Variants in PARD3B observed in about 807,000 individuals in gnomAD.
PARD3B encodes the protein par-3 family cell polarity regulator beta.
Under a neutral mutation model 130.2 loss-of-function variants are expected in PARD3B, and 103 were observed. The observed-to-expected ratio is 0.79, with a 90% CI of 0.67 to 0.93. PARD3B has a LOEUF of 0.93. PARD3B is among the 40% of genes least tolerant of loss of function. The pLI is 0.00. For synonymous variants in PARD3B, 583 were observed against 553.2 expected (o/e 1.05, Z -0.76); for missense variants, 1,609 against 1,499.2 (o/e 1.07, Z -1.21).
Position 204,546,052 on chromosome 2 carries a change from A to T in PARD3B, c.53A>T (p.Glu18Val). ...GRTGIVVPCK[E>V]GQLRVGELTQ... ...ACGGGCATCGTGGTGCCCTGCAAGG[A>T]GGGCCAGCTGCGCGTCGGCGAGCTC... The change falls in exon 1 of 23, where the codon GAG (glutamate) becomes GTG (valine). Residue 18 changes from glutamate (E) to valine (V), a missense_variant. Transcript: ENST00000406610. The T allele has an allele frequency of 6.4e-7, 1 of 1,566,216 alleles. No individual in the cohort carries two copies. Among genetic ancestry groups the T allele is most frequent in the South Asian group, 1.2e-5 (1 of 85,568 alleles).
chr2:205,509,490 C>T (rs192039375), intron 21 of PARD3B, among the ~76,000 whole-genome samples: 47 of 152,234 alleles, frequency 3.1e-4, no homozygotes, highest in African/African-American at 1.1e-3. Context: ...TAAGCCCACT[C>T]CTCCCCTAAA....
At chr2:204,558,391 A>C (rs149510378) in intron 1 of PARD3B, among the ~76,000 whole-genome samples, 11 of 152,324 alleles carry the variant, frequency 7.2e-5, no homozygotes, top group African/African-American at 2.6e-4. Flanking sequence ...AAGCATTCCT[A>C]TACACCAATA....
At chr2:205,088,162 T>C (rs1559425007) in intron 4 of PARD3B, among the ~76,000 whole-genome samples, 1 of 152,204 alleles carries the variant, frequency 6.6e-6, no homozygotes, top group Non-Finnish European at 1.5e-5. Context: ...CACCAGTCTT[T>C]CCAGTACTGA....
At chr2:204,782,784 T>C (rs2041884271) in intron 2 of PARD3B, among the ~76,000 whole-genome samples, 1 of 152,080 alleles carries the variant, frequency 6.6e-6, no homozygotes, top group Non-Finnish European at 1.5e-5. Context: ...TCTTACAGTT[T>C]TCTTACTTTA....
At chr2:204,869,849 C>G (rs1290350594) in intron 2 of PARD3B, among the ~76,000 whole-genome samples, 1 of 152,076 alleles carries the variant, frequency 6.6e-6, no homozygotes, top group Non-Finnish European at 1.5e-5. Flanking sequence ...AGATATGTGT[C>G]TGGTGTTTTT....
intron 3 of PARD3B, among the ~76,000 whole-genome samples, chr2:204,982,089 T>C (rs987211065): frequency 2.6e-5 from 4 of 152,162 alleles, no homozygotes; most frequent in African/African-American, 7.2e-5. Context: ...GTTGAGCCTG[T>C]CAGTGAAAGG....
chr2:205,088,798 G>C (rs1422784303), intron 4 of PARD3B, among the ~76,000 whole-genome samples: 1 of 21,712 alleles, frequency 4.6e-5, no homozygotes, highest in Non-Finnish European at 8.0e-5. Flanking sequence ...ACTTATGACT[G>C]TCTTTTTTTT....
chr2:205,085,996 G>A (rs1218533770), intron 4 of PARD3B, among the ~76,000 whole-genome samples: 2 of 152,140 alleles, frequency 1.3e-5, no homozygotes, highest in Non-Finnish European at 1.5e-5. Context: ...AGAGTGCTGG[G>A]AAACAATAAA....
In PARD3B at chr2:204,799,132, G is replaced by A. The variant is rs2042476187; in HGVS notation, c.222+112850G>A. 6.6e-6 allele frequency among the ~76,000 whole-genome samples: 1 copy of A among 152,048 alleles called. No homozygotes were observed. ...TTTGGACCTGCTATGGGCCAGACGG[G>A]AGCCCACTACCCTGAAGGGAGAGAC... On this transcript the variant is annotated intron_variant, in intron 2 of 22. Transcript: ENST00000406610. The surrounding 1 kb of genome is among the most constrained non-coding windows in gnomAD (Gnocchi z 4.1).
At chr2:205,464,381 C>CCCTACTTCTCTCGTAGACTGGGTA (rs2048553449) in intron 20 of PARD3B, among the ~76,000 whole-genome samples, 3 of 152,144 alleles carry the variant, frequency 2.0e-5, no homozygotes, top group African/African-American at 7.2e-5. Context: ...CAAATGACCA[C>CCCTACTTCTCTCGTAGACTGGGTA]CCTACTTCTC....
intron 15 of PARD3B, among the ~76,000 whole-genome samples, chr2:205,194,350 T>C (rs2036556906): frequency 6.6e-6 from 1 of 152,184 alleles, no homozygotes; most frequent in Non-Finnish European, 1.5e-5. Context: ...CTGGGATGCA[T>C]TTGCTGTAAT....
In PARD3B at chr2:205,421,830, G is replaced by A. The variant is rs1460453342; in HGVS notation, c.2742-18540G>A. Among the ~76,000 whole-genome samples the A allele has an allele frequency of 6.6e-6, 1 of 152,142 alleles. No homozygotes were observed. The highest frequency in any genetic ancestry group is 1.5e-5 in the Non-Finnish European group (1 of 68,038). On this transcript the variant is annotated intron_variant, in intron 19 of 22. Transcript: ENST00000406610. The surrounding 1 kb of genome is among the most constrained non-coding windows in gnomAD (Gnocchi z 5.1). ...CTTTTACTTGGCTGCCTATGTTCCTGGCTCATGGCTCCTTCTGCCATTTTT... is the reference window on the plus strand; with the variant it reads ...CTTTTACTTGGCTGCCTATGTTCCTAGCTCATGGCTCCTTCTGCCATTTTT...
At chr2:205,399,177 G>C (rs1035706443) in intron 18 of PARD3B, among the ~76,000 whole-genome samples, 1 of 151,836 alleles carries the variant, frequency 6.6e-6, no homozygotes, top group African/African-American at 2.4e-5. Flanking sequence ...GGCTGAGGCA[G>C]GAGAATCACA....
intron 22 of PARD3B, among the ~76,000 whole-genome samples, chr2:205,582,667 TG>T (rs1230941368): frequency 1.7e-4 from 26 of 149,402 alleles, no homozygotes; most frequent in Admixed American, 1.4e-3. Flanking sequence ...GGAAGGTTAT[TG>T]TTTTTTTTTT....
chr2:205,113,024 G>T (rs963880998), intron 5 of PARD3B, among the ~76,000 whole-genome samples: 47 of 152,086 alleles, frequency 3.1e-4, no homozygotes, highest in African/African-American at 9.9e-4. Context: ...ACGTAATTCT[G>T]TGCTTTTTCT....
chr2:204,765,891 C>A (rs6740311), intron 2 of PARD3B, among the ~76,000 whole-genome samples: 12,101 of 152,078 alleles, frequency 0.08, 759 homozygotes, highest in African/African-American at 0.18. Flanking sequence ...CAATTTCGAG[C>A]CCATCGAACT....
In PARD3B at chr2:204,610,470, G is replaced by A. The variant is rs755761167; in HGVS notation, c.120+64351G>A. On this transcript the variant is annotated intron_variant, in intron 1 of 22. Coordinates refer to ENST00000406610, the MANE Select transcript of PARD3B (RefSeq NM_001302769.2). The surrounding 1 kb of genome is among the most constrained non-coding windows in gnomAD (Gnocchi z 4.1). ...TCCCATGTTAAAGCGATTCTCCTGC[G>A]TCAGCCTCCCGAGTGGCTGGGATTA... Among the ~76,000 whole-genome samples, 12 of 151,984 alleles carry A rather than the reference G, an allele frequency of 7.9e-5. No individual in the cohort carries two copies. The highest frequency in any genetic ancestry group is 2.0e-4 in the Admixed American group (3 of 15,240).
chr2:205,230,896 T>C lies in PARD3B; in HGVS notation c.2141-14882T>C, dbSNP rs999205974. 1.3e-5 allele frequency among the ~76,000 whole-genome samples: 2 copies of C among 152,030 alleles called. No individual in the cohort carries two copies. Among genetic ancestry groups the C allele is most frequent in the Admixed American group, 1.3e-4 (2 of 15,264 alleles). On this transcript the variant is annotated intron_variant, in intron 15 of 22. Transcript: ENST00000406610. This position sits in a 1 kb window ranked among gnomAD's most constrained non-coding sequence, Gnocchi z 4.1. Reference sequence around the variant, plus strand: ...GGCTGTGTTCTGCCTGGTGTTGCTTTCCACCATGACAGGGTGGAAAGCACT... The same window carrying C: ...GGCTGTGTTCTGCCTGGTGTTGCTTCCCACCATGACAGGGTGGAAAGCACT...
chr2:205,304,843 G>A (rs946548395), intron 18 of PARD3B, among the ~76,000 whole-genome samples: 4 of 152,144 alleles, frequency 2.6e-5, no homozygotes, highest in Admixed American at 1.3e-4. Context: ...TACTCAGGAG[G>A]CTGAAGTGGG....
Sources: allele counts gnomAD v4.1 joint callset (sites outside exome capture counted in the v4.1 genomes callset), GRCh38; gene constraint gnomAD v4.1.1; non-coding constraint Gnocchi (gnomAD v3.1); transcripts MANE v1.5; gene names NCBI Gene and HGNC (gene_info 2026-07-23, HGNC 2026-07-21).